Variants in ZC3H12B observed in about 807,000 individuals in gnomAD.
ZC3H12B encodes the protein probable ribonuclease ZC3H12B.
In ZC3H12B, 7 loss-of-function variants were observed where a neutral mutation model predicts 43.9. That is an observed-to-expected ratio of 0.16 (90% CI 0.09 to 0.30). ZC3H12B has a LOEUF of 0.30. Ranked by LOEUF, ZC3H12B falls within the 10% of genes least tolerant of loss-of-function variation. The pLI is 1.00. For missense variants in ZC3H12B, 475 were observed against 670.2 expected (o/e 0.71, Z 3.22); for synonymous variants, 222 against 241.7 (o/e 0.92, Z 0.76).
At chrX:65,419,588 C>T (rs772120197) in intron 3 of ZC3H12B, among the ~76,000 whole-genome samples, 3 of 111,616 alleles carry the variant, frequency 2.7e-5, no homozygotes, top group Admixed American at 9.5e-5. Context: ...GGGAGCACAG[C>T]ATTGAGAATG....
the ZC3H12B span, among the ~76,000 whole-genome samples, chrX:65,140,737 T>C: frequency 8.9e-6 from 1 of 112,039 alleles, no homozygotes. Context: ...ATTAGTGATT[T>C]AATCTCCTTA....
At chrX:65,116,631 G>T in the ZC3H12B span, among the ~76,000 whole-genome samples, 1 of 109,647 alleles carries the variant, frequency 9.1e-6, no homozygotes, top group Non-Finnish European at 1.9e-5. Context: ...TTTGTTACAT[G>T]TGTATACATG....
the ZC3H12B span, among the ~76,000 whole-genome samples, chrX:65,264,879 G>A: frequency 9.0e-6 from 1 of 111,281 alleles, no homozygotes; most frequent in African/African-American, 3.3e-5. Flanking sequence ...TATTAGTCAA[G>A]GAGACCCCCA....
chrX:65,125,712 A>T, the ZC3H12B span, among the ~76,000 whole-genome samples: 3 of 111,105 alleles, frequency 2.7e-5, no homozygotes, highest in African/African-American at 9.8e-5. Flanking sequence ...CCTTTTTATC[A>T]TTATATAATT....
the ZC3H12B span, among the ~76,000 whole-genome samples, chrX:65,047,253 A>C: frequency 2.7e-5 from 3 of 111,547 alleles, no homozygotes; most frequent in Non-Finnish European, 5.7e-5. Context: ...GTACCCCTGC[A>C]TATTATTTTT....
At chrX:65,364,648 C>T (rs973576199), upstream of ZC3H12B, among the ~76,000 whole-genome samples, 1 of 111,245 alleles carries the variant, frequency 9.0e-6, no homozygotes, top group African/African-American at 3.3e-5. Context: ...GCCTCACAGG[C>T]CCATTCTATT....
the ZC3H12B span, among the ~76,000 whole-genome samples, chrX:65,159,217 G>T: frequency 8.9e-6 from 1 of 111,910 alleles, no homozygotes; most frequent in African/African-American, 3.2e-5. Context: ...GATGCCTCCA[G>T]CTTTGTTCTT....
intron 3 of ZC3H12B, among the ~76,000 whole-genome samples, chrX:65,424,776 A>G (rs771742748): frequency 3.6e-5 from 4 of 111,310 alleles, no homozygotes; most frequent in South Asian, 3.7e-4. Flanking sequence ...AGATGGTTGT[A>G]CGTGTGTGGT....
chrX:65,257,236 A>G, the ZC3H12B span, among the ~76,000 whole-genome samples: 1 of 112,265 alleles, frequency 8.9e-6, no homozygotes, highest in Non-Finnish European at 1.9e-5. Flanking sequence ...GGATTAAGAA[A>G]ATGTGGCACA....
chrX:65,214,522 A>G, the ZC3H12B span, among the ~76,000 whole-genome samples: 1 of 111,726 alleles, frequency 9.0e-6, no homozygotes, highest in Non-Finnish European at 1.9e-5. Flanking sequence ...TAGGAAACAA[A>G]TGTTCATCCG....
chrX:65,265,749 G>T, the ZC3H12B span, among the ~76,000 whole-genome samples: 1 of 111,619 alleles, frequency 9.0e-6, no homozygotes, highest in African/African-American at 3.3e-5. Context: ...GTAACTTTCT[G>T]CTTCTGGCCA....
At chrX:65,177,085 C>A in the ZC3H12B span, among the ~76,000 whole-genome samples, 16 of 112,320 alleles carry the variant, frequency 1.4e-4, no homozygotes, top group Non-Finnish European at 2.3e-4. Flanking sequence ...CCACCATGAT[C>A]AAGTCGGCTT....
At chrX:65,225,480 A>G in the ZC3H12B span, among the ~76,000 whole-genome samples, 1 of 112,630 alleles carries the variant, frequency 8.9e-6, no homozygotes, top group Non-Finnish European at 1.9e-5. Flanking sequence ...CTCCTCCTCC[A>G]AAGGAACGCA....
chrX:65,115,015 G>T, the ZC3H12B span, among the ~76,000 whole-genome samples: 1 of 96,159 alleles, frequency 1.0e-5, no homozygotes, highest in African/African-American at 4.1e-5. Flanking sequence ...TACATAATAG[G>T]TTTATATATT....
At chrX:65,451,350 T>A (rs1490821385) in intron 3 of ZC3H12B, among the ~76,000 whole-genome samples, 1 of 111,752 alleles carries the variant, frequency 8.9e-6, no homozygotes, top group Non-Finnish European at 1.9e-5. Flanking sequence ...TCTCAAGTAG[T>A]GTATGGAACT....
chrX:65,366,469 T>C (rs1282046725), upstream of ZC3H12B, among the ~76,000 whole-genome samples: 1 of 112,538 alleles, frequency 8.9e-6, no homozygotes, highest in Non-Finnish European at 1.9e-5. Flanking sequence ...CCCTCTCTCT[T>C]TCTGTCTGTC....
the ZC3H12B span, among the ~76,000 whole-genome samples, chrX:65,100,326 G>T: frequency 9.2e-6 from 1 of 108,944 alleles, no homozygotes; most frequent in East Asian, 2.9e-4. Context: ...GATATTATTT[G>T]GGAGAACTTC....
the ZC3H12B span, among the ~76,000 whole-genome samples, chrX:65,119,389 T>A: frequency 8.9e-6 from 1 of 112,316 alleles, no homozygotes; most frequent in Admixed American, 9.4e-5. Flanking sequence ...TTTGCATTTC[T>A]CTGATGGCCA....
chrX:65,227,802 C>T, the ZC3H12B span, among the ~76,000 whole-genome samples: 2 of 110,937 alleles, frequency 1.8e-5, no homozygotes, highest in South Asian at 3.8e-4. Context: ...ATAAATTCCT[C>T]GACACATACA....
Sources: gnomAD v4.1 joint callset for allele counts (sites outside exome capture counted in the v4.1 genomes callset) on GRCh38, gnomAD v4.1.1 for gene constraint, MANE v1.5 for transcripts, NCBI Gene and HGNC (gene_info 2026-07-23, HGNC 2026-07-21) for gene names.